Variants in LANCL3 observed in about 807,000 individuals in gnomAD.
LANCL3 encodes LanC like family member 3, also known as lanC-like protein 3.
LANCL3 carries 19 observed loss-of-function variants against 26.5 expected under a neutral mutation model. The ratio of observed to expected loss-of-function variants is 0.72; its 90% CI spans 0.50 to 1.05. The LOEUF is 1.05. Ranked by LOEUF, LANCL3 falls within the 50% of genes least tolerant of loss-of-function variation. The pLI, the probability that LANCL3 is intolerant of heterozygous loss-of-function variation, is 0.00. For synonymous variants in LANCL3, 160 were observed against 166.6 expected, an observed-to-expected ratio of 0.96 and a Z score of 0.30; for missense variants, 318 against 362.7, an observed-to-expected ratio of 0.88 and a Z score of 1.00.
intron 1 of LANCL3, among the ~76,000 whole-genome samples, chrX:37,609,422 G>C (rs1924801678): frequency 8.9e-6 from 1 of 111,852 alleles, no homozygotes; most frequent in African/African-American, 3.3e-5. Context: ...GGAGAATCGG[G>C]AAAGGGTATG....
intron 1 of LANCL3, among the ~76,000 whole-genome samples, chrX:37,650,711 G>C (rs149002249): frequency 7.5e-5 from 8 of 106,561 alleles, no homozygotes; most frequent in Non-Finnish European, 1.9e-5. Flanking sequence ...ATCTGCTGCA[G>C]TCTCCTTTCA....
intron 1 of LANCL3, among the ~76,000 whole-genome samples, chrX:37,618,219 G>C (rs965067744): frequency 8.9e-6 from 1 of 112,331 alleles, no homozygotes; most frequent in Admixed American, 9.4e-5. Flanking sequence ...ATCCAGGCTA[G>C]GGGTACCTGT....
intron 2 of LANCL3, among the ~76,000 whole-genome samples, chrX:37,657,032 A>G (rs1174440591): frequency 8.9e-6 from 1 of 112,903 alleles, no homozygotes; most frequent in African/African-American, 3.2e-5. Context: ...ACTGTGGACA[A>G]CTGAGGCTCA....
Position 37,681,761 on chromosome X carries a change from T to C in LANCL3, c.*5948T>C, listed in dbSNP as rs1926940571. 1 of 111,712 alleles carries C rather than the reference T, an allele frequency of 9.0e-6. No homozygotes were observed. Among genetic ancestry groups the C allele is most frequent in the Non-Finnish European group, 1.9e-5 (1 of 53,162 alleles). The allele number at this position is 111,712 out of a possible 1,213,427, so 9.2% of individuals were successfully genotyped here. ...AAGTGTCTCTCCATAAGAAAAACTT[T>C]GTGTTTTCCTCTCTTTCTCCACTCC... On this transcript the variant is annotated 3_prime_UTR_variant, in exon 5 of 5. Transcript: ENST00000378619.
intron 1 of LANCL3, among the ~76,000 whole-genome samples, chrX:37,601,037 A>G (rs1602102382): frequency 8.9e-6 from 1 of 111,896 alleles, no homozygotes; most frequent in East Asian, 2.8e-4. Context: ...AGATATTTTT[A>G]CCTTGGGCAT....
chrX:37,645,691 T>G (rs963076865), intron 1 of LANCL3, among the ~76,000 whole-genome samples: 1 of 112,075 alleles, frequency 8.9e-6, no homozygotes, highest in Non-Finnish European at 1.9e-5. Flanking sequence ...ACTTCTCACC[T>G]TTTCCAAAAG....
At chrX:37,651,944 T>A (rs782631448) in intron 1 of LANCL3, among the ~76,000 whole-genome samples, 2 of 107,333 alleles carry the variant, frequency 1.9e-5, no homozygotes, top group South Asian at 7.6e-4. Flanking sequence ...TCACAGCCCC[T>A]GCTTACTCCC....
chrX:37,624,202 T>C, intron 1 of LANCL3, among the ~76,000 whole-genome samples: 1 of 111,623 alleles, frequency 9.0e-6, no homozygotes, highest in Non-Finnish European at 1.9e-5. Context: ...TGTATGAGAG[T>C]GCCTGTTTCC....
rs185509575 is a variant in LANCL3, at chrX:37,661,010, G to T, written c.895+1351G>T. Among the ~76,000 whole-genome samples the T allele has an allele frequency of 3.3e-4, 32 of 95,731 alleles. No individual in the cohort carries two copies. In the East Asian group the frequency reaches 9.0e-3, roughly 27 times the overall value. The allele number at this position is 95,731 out of a possible 115,157, so 83.1% of individuals were successfully genotyped here. A position where few individuals can be genotyped will look rare whatever the true frequency, so the allele number is the denominator to read the frequency against. ...TTAATTTGACCTTTTTTGTGGGCGGGGGGGGAACAAGTTATTTACCATGCT... is the reference window on the plus strand; with the variant it reads ...TTAATTTGACCTTTTTTGTGGGCGGTGGGGGAACAAGTTATTTACCATGCT... On this transcript the variant is annotated intron_variant, in intron 3 of 4. Transcript: ENST00000378619.
At chrX:37,648,756 A>C (rs1299662476) in intron 1 of LANCL3, among the ~76,000 whole-genome samples, 1 of 112,210 alleles carries the variant, frequency 8.9e-6, no homozygotes, top group Non-Finnish European at 1.9e-5. Flanking sequence ...AACTTAAACA[A>C]ATTTACAAGA....
intron 1 of LANCL3, among the ~76,000 whole-genome samples, chrX:37,652,450 A>G (rs1239333426): frequency 8.9e-6 from 1 of 112,215 alleles, no homozygotes; most frequent in Non-Finnish European, 1.9e-5. Flanking sequence ...AAGGTCAGTA[A>G]AGTGAATCAG....
chrX:37,684,076 C>T lies in LANCL3; in HGVS notation c.*8263C>T. ...GAAGGATCAACTTGCAAATGCTCAT[C>T]AGAATTTAGCTTTTGTTATTGGTTG... On this transcript the variant is annotated 3_prime_UTR_variant, in exon 5 of 5. Transcript: ENST00000378619. 8.9e-6 allele frequency: 1 copy of T among 112,088 alleles called. No individual in the cohort carries two copies. Among genetic ancestry groups the T allele is most frequent in the Non-Finnish European group, 1.9e-5 (1 of 53,215 alleles). The allele number at this position is 112,088 out of a possible 1,213,427, so 9.2% of individuals were successfully genotyped here. A position where few individuals can be genotyped will look rare whatever the true frequency, so the allele number is the denominator to read the frequency against.
At chrX:37,623,156 T>C (rs2146746553) in intron 1 of LANCL3, among the ~76,000 whole-genome samples, 1 of 112,278 alleles carries the variant, frequency 8.9e-6, no homozygotes, top group African/African-American at 3.2e-5. Context: ...AGTGCACTTA[T>C]TTCCACTTTA....
chrX:37,648,945 C>T (rs1556427888), intron 1 of LANCL3, among the ~76,000 whole-genome samples: 1 of 111,679 alleles, frequency 9.0e-6, no homozygotes, highest in Non-Finnish European at 1.9e-5. Flanking sequence ...ATTAAAAAGT[C>T]AAGAAACAAT....
intron 1 of LANCL3, among the ~76,000 whole-genome samples, chrX:37,599,211 T>C (rs904766904): frequency 3.6e-5 from 4 of 112,002 alleles, no homozygotes; most frequent in East Asian, 5.6e-4. Context: ...TTTTCTCCGG[T>C]AATTTCTCTG....
chrX:37,607,400 C>T (rs1556420658), intron 1 of LANCL3, among the ~76,000 whole-genome samples: 1 of 112,162 alleles, frequency 8.9e-6, no homozygotes, highest in African/African-American at 3.2e-5. Context: ...CTATCTGTGT[C>T]ATCACAGGTT....
chrX:37,598,763 G>A (rs907900196), intron 1 of LANCL3, among the ~76,000 whole-genome samples: 2 of 111,853 alleles, frequency 1.8e-5, no homozygotes, highest in Non-Finnish European at 3.8e-5. Flanking sequence ...ACTGATTTCC[G>A]TGATTTTTCA....
chrX:37,590,995 G>A (rs782348066), intron 1 of LANCL3, among the ~76,000 whole-genome samples: 10 of 111,859 alleles, frequency 8.9e-5, no homozygotes, highest in African/African-American at 2.9e-4. Flanking sequence ...TCTGAAATGT[G>A]GGAACTAGGT....
chrX:37,577,413 C>T (rs1362987891), intron 1 of LANCL3, among the ~76,000 whole-genome samples: 1 of 112,544 alleles, frequency 8.9e-6, no homozygotes, highest in Non-Finnish European at 1.9e-5. Flanking sequence ...GATGATGATA[C>T]TTTTGAAACA....
Sources: allele counts gnomAD v4.1 joint callset (sites outside exome capture counted in the v4.1 genomes callset), GRCh38; gene constraint gnomAD v4.1.1; transcripts MANE v1.5; gene names NCBI Gene and HGNC (gene_info 2026-07-23, HGNC 2026-07-21).